The following TFAP2B variants were observed in gnomAD, a reference collection of about 807,000 sequenced individuals.
TFAP2B encodes the protein transcription factor AP-2-beta.
TFAP2B carries 9 observed loss-of-function variants against 44.3 expected under a neutral mutation model. The ratio of observed to expected loss-of-function variants is 0.20; its 90% CI spans 0.12 to 0.35. The LOEUF is 0.35. Ranked by LOEUF, TFAP2B falls within the 10% of genes least tolerant of loss-of-function variation. The probability of loss-of-function intolerance (pLI) is 1.00; values close to 1 mark genes in which losing one functional copy is unlikely to be tolerated. For missense variants in TFAP2B, 509 were observed against 600.0 expected, an observed-to-expected ratio of 0.85 and a Z score of 1.59; for synonymous variants, 270 against 263.8, an observed-to-expected ratio of 1.02 and a Z score of -0.23.
At chr6:50,837,828 C>A in intron 4 of TFAP2B, 147 bp from the exon 5 acceptor site, 1 of 742,344 alleles carries the variant, frequency 1.3e-6, no homozygotes, top group Non-Finnish European at 2.4e-6. Flanking sequence ...AGCAAACTAT[C>A]AGCAAATAAC....
rs2113929302 is a variant in TFAP2B at position 50,823,510 on chromosome 6, C to T, written c.185C>T (p.Ser62Leu). 6.2e-7 allele frequency: 1 copy of T among 1,613,710 alleles called. No individual in the cohort carries two copies. The highest frequency in any genetic ancestry group is 8.5e-7 in the Non-Finnish European group (1 of 1,179,888). The change falls in exon 2 of 7, where the codon TCG becomes TTG. Residue 62 changes from serine (S) to leucine (L), a missense_variant. Transcript: ENST00000393655. ...GCCCCGCCGCTGTCCCACACCCCGT[C>T]GTCGGACTTCCAGCCGCCCTACTTC... The part of the protein sequence containing the change: ...SSAPPLSHTP[S>L]SDFQPPYFPP...
intron 2 of TFAP2B, among the ~76,000 whole-genome samples, chr6:50,826,007 G>T (rs1380186313): frequency 2.0e-5 from 3 of 152,174 alleles, no homozygotes; most frequent in Non-Finnish European, 2.9e-5. Context: ...AAGACCAGGG[G>T]TTATGTTTCC....
chr6:50,843,526 TTTAAAA>T lies in TFAP2B; in HGVS notation c.*135_*140del. 2 of 860,342 alleles carry T rather than the reference TTTAAAA, an allele frequency of 2.3e-6. No homozygotes were observed. The highest frequency in any genetic ancestry group is 3.3e-6 in the Non-Finnish European group (2 of 608,452). 53.3% of individuals were successfully genotyped at this position (860,342 alleles called of 1,614,324 possible). A position where few individuals can be genotyped will look rare whatever the true frequency, so the allele number is the denominator to read the frequency against. On this transcript the variant is annotated 3_prime_UTR_variant, in exon 7 of 7. Transcript: ENST00000393655. ...GGTAGAATACACATACAATCAAAAT[TTTAAAA>T]AAAAAAGCTAAATAACTTAAAAAAA... is the stretch of plus-strand genomic sequence containing the variant.
At chr6:50,837,691 T>C (rs1208155781) in intron 4 of TFAP2B, among the ~76,000 whole-genome samples, 1 of 152,072 alleles carries the variant, frequency 6.6e-6, no homozygotes, top group African/African-American at 2.4e-5. Context: ...GCTTCTACCT[T>C]CTCTAGACCC....
chr6:50,823,470 G>A lies in TFAP2B; in HGVS notation c.145G>A (p.Gly49Arg). 3 of 1,611,964 alleles carry A rather than the reference G, an allele frequency of 1.9e-6. No individual in the cohort carries two copies. Among genetic ancestry groups the A allele is most frequent in the Non-Finnish European group, 2.5e-6 (3 of 1,179,290 alleles). Residue 49 changes from glycine to arginine, a missense_variant, in exon 2 of 7, where the codon GGA becomes AGA. Gly to Arg is a moderately radical substitution (Grantham distance 125, BLOSUM62 -2). This residue lies in a region of TFAP2B where 296 missense variants were observed against 308.2 expected (regional missense o/e 0.96). Coordinates refer to ENST00000393655, the MANE Select transcript of TFAP2B (RefSeq NM_003221.4). ...RLSQLGSVSQGPYSSAPPLSH... is the reference protein window; with the variant it reads ...RLSQLGSVSQRPYSSAPPLSH... Reference sequence around the variant, plus strand: ...CTCCCAGCTGGGCTCGGTGTCCCAAGGACCCTACTCGAGCGCCCCGCCGCT... The same window carrying A: ...CTCCCAGCTGGGCTCGGTGTCCCAAAGACCCTACTCGAGCGCCCCGCCGCT...
intron 4 of TFAP2B, among the ~76,000 whole-genome samples, chr6:50,837,557 G>A (rs1762646946): frequency 6.6e-6 from 1 of 152,090 alleles, no homozygotes; most frequent in Non-Finnish European, 1.5e-5. Context: ...ACCTGTTGCA[G>A]CAAGTGCGCT....
chr6:50,831,544 T>C (rs999372095), intron 3 of TFAP2B, among the ~76,000 whole-genome samples: 3 of 152,056 alleles, frequency 2.0e-5, no homozygotes, highest in Non-Finnish European at 2.9e-5. Context: ...AGGGGGCTGG[T>C]CAATGAGCAA....
intron 6 of TFAP2B, among the ~76,000 whole-genome samples, chr6:50,840,928 A>G (rs910118679): frequency 6.6e-6 from 1 of 152,230 alleles, no homozygotes; most frequent in Non-Finnish European, 1.5e-5. Flanking sequence ...TCAGGCCTGC[A>G]GTGGGCGGCG....
In TFAP2B at chr6:50,843,142, T is replaced by A; in HGVS notation, c.1133T>A (p.Ile378Lys). 1 of 1,614,210 alleles carries A rather than the reference T, an allele frequency of 6.2e-7. No individual in the cohort carries two copies. Among genetic ancestry groups the A allele is most frequent in the Non-Finnish European group, 8.5e-7 (1 of 1,180,032 alleles). ...TDLLAQDRTP[I>K]GNSRPSPILE... ...CTACTGGCGCAGGACCGGACACCGA[T>A]AGGGAACAGCCGACCCAGCCCCATC... is the stretch of plus-strand genomic sequence containing the variant. Residue 378 changes from isoleucine (I) to lysine (K), a missense_variant, in exon 7 of 7, where the codon ATA becomes AAA. Ile to Lys is a moderately radical substitution (Grantham distance 102). This residue lies in a region of TFAP2B where 168 missense variants were observed against 183.2 expected (regional missense o/e 0.92). Coordinates refer to ENST00000393655, the MANE Select transcript of TFAP2B (RefSeq NM_003221.4).
intron 1 of TFAP2B, among the ~76,000 whole-genome samples, chr6:50,819,872 A>C (rs1023583781): frequency 1.1e-5 from 1 of 95,208 alleles, no homozygotes; most frequent in Non-Finnish European, 2.3e-5. Flanking sequence ...GCGAGGTGGG[A>C]GAGGCGGCCG....
At chr6:50,840,877 C>T (rs111406896) in intron 6 of TFAP2B, among the ~76,000 whole-genome samples, 1 of 152,226 alleles carries the variant, frequency 6.6e-6, no homozygotes, top group Non-Finnish European at 1.5e-5. Context: ...TTACTCCTGT[C>T]TTTGGCTTCG....
intron 1 of TFAP2B, among the ~76,000 whole-genome samples, chr6:50,821,115 G>A (rs1770331949): frequency 6.6e-6 from 1 of 152,206 alleles, no homozygotes. Context: ...ACGGGTTCCT[G>A]AAACATCCAA....
chr6:50,823,814 T>C lies in TFAP2B; in HGVS notation c.489T>C (p.Gly163=). 6.4e-7 allele frequency: 1 copy of C among 1,574,124 alleles called. No individual in the cohort carries two copies. Among genetic ancestry groups the C allele is most frequent in the East Asian group, 2.3e-5 (1 of 42,630 alleles). Residue 163 remains glycine (G), a synonymous_variant, in exon 2 of 7, where the codon GGT becomes GGC. Coordinates refer to ENST00000393655, the MANE Select transcript of TFAP2B (RefSeq NM_003221.4). ...ACCACGGCCTGGACGCGGGCATGGG[T>C]GACAGCCTCTCGCTGCACGGCCTCG... ...SAHHGLDAGM[G]DSLSLHGLGH...
At chr6:50,836,734 T>C (rs149518442) in intron 4 of TFAP2B, among the ~76,000 whole-genome samples, 60 of 152,292 alleles carry the variant, frequency 3.9e-4, no homozygotes, top group African/African-American at 1.4e-3. Context: ...TTCTCTTTTA[T>C]TGCATGTTTT....
In TFAP2B at chr6:50,843,527, TTAAAA is replaced by T. The variant is rs1013390609; in HGVS notation, c.*136_*140del. 51 of 830,690 alleles carry T rather than the reference TTAAAA, an allele frequency of 6.1e-5. No individual in the cohort carries two copies. The highest frequency in any genetic ancestry group is 8.5e-5 in the Non-Finnish European group (49 of 577,464). The allele number at this position is 830,690 out of a possible 1,614,324, so 51.5% of individuals were successfully genotyped here. On this transcript the variant is annotated 3_prime_UTR_variant, in exon 7 of 7. Coordinates refer to ENST00000393655, the MANE Select transcript of TFAP2B (RefSeq NM_003221.4). ...GTAGAATACACATACAATCAAAATT[TTAAAA>T]AAAAAAGCTAAATAACTTAAAAAAA...
intron 2 of TFAP2B, among the ~76,000 whole-genome samples, chr6:50,825,960 G>A (rs1770492304): frequency 6.6e-6 from 1 of 152,174 alleles, no homozygotes; most frequent in African/African-American, 2.4e-5. Context: ...GACCTCCCAA[G>A]GCCAGGGTGA....
At chr6:50,828,713 T>A in intron 3 of TFAP2B, 34 bp downstream of exon 3, 2 of 1,610,638 alleles carry the variant, frequency 1.2e-6, no homozygotes, top group South Asian at 2.2e-5. Context: ...GTAAGCAAAG[T>A]TCTCTCATGC....
At chr6:50,822,012 TGG>T in intron 1 of TFAP2B, 1 of 391,736 alleles carries the variant, frequency 2.6e-6, no homozygotes, top group African/African-American at 2.3e-5. Context: ...TTTTTTTTGA[TGG>T]CTTGTCCTGG....
In TFAP2B at chr6:50,843,534, A is replaced by G; in HGVS notation, c.*142A>G. On this transcript the variant is annotated 3_prime_UTR_variant, in exon 7 of 7. Transcript: ENST00000393655. ...ACACATACAATCAAAATTTTAAAAA[A>G]AAAAGCTAAATAACTTAAAAAAAAA... is the stretch of plus-strand genomic sequence containing the variant. 1 of 917,236 alleles carries G rather than the reference A, an allele frequency of 1.1e-6. No individual in the cohort carries two copies. Among genetic ancestry groups the G allele is most frequent in the Admixed American group, 3.1e-5 (1 of 32,434 alleles). The allele number at this position is 917,236 out of a possible 1,614,324, so 56.8% of individuals were successfully genotyped here.
Sources: allele counts gnomAD v4.1 joint callset (sites outside exome capture counted in the v4.1 genomes callset), GRCh38; gene constraint gnomAD v4.1.1; regional missense constraint gnomAD v4.1.1; transcripts MANE v1.5; gene names NCBI Gene and HGNC (gene_info 2026-07-23, HGNC 2026-07-21).